Variants in KDM4C observed in about 807,000 individuals in gnomAD.
The protein encoded by KDM4C is lysine demethylase 4C, also known as lysine-specific demethylase 4C.
In KDM4C, 81 loss-of-function variants were observed where a neutral mutation model predicts 129.3. The ratio of observed to expected loss-of-function variants is 0.63; its 90% CI spans 0.52 to 0.75. The LOEUF is 0.75. Ranked by LOEUF, KDM4C falls within the 30% of genes least tolerant of loss-of-function variation. KDM4C has a pLI of 0.00. For synonymous variants in KDM4C, 573 were observed against 456.1 expected, an observed-to-expected ratio of 1.26 and a Z score of -3.26; for missense variants, 1,457 against 1,304.0, an observed-to-expected ratio of 1.12 and a Z score of -1.81.
intron 1 of KDM4C, among the ~76,000 whole-genome samples, chr9:6,772,572 G>T (rs895542207): frequency 6.6e-6 from 1 of 152,174 alleles, no homozygotes; most frequent in Admixed American, 6.6e-5. Flanking sequence ...TGTTGGTCAG[G>T]CTGGTCTTGA....
intron 8 of KDM4C, among the ~76,000 whole-genome samples, chr9:6,973,504 T>G (rs184347182): frequency 4.6e-5 from 7 of 152,374 alleles, no homozygotes; most frequent in Admixed American, 4.6e-4. Context: ...TGCAGGTTAT[T>G]GTTTTCGACA....
intron 4 of KDM4C, among the ~76,000 whole-genome samples, chr9:6,845,561 A>G (rs6477117): frequency 0.24 from 35,939 of 152,096 alleles, 4,293 homozygotes; most frequent in African/African-American, 0.28. Context: ...GGAGGAAGAT[A>G]CTATCACTGA....
intron 19 of KDM4C, among the ~76,000 whole-genome samples, chr9:7,141,953 A>T (rs982469024): frequency 2.0e-5 from 3 of 152,188 alleles, no homozygotes; most frequent in African/African-American, 7.2e-5. Flanking sequence ...CATAAACCCC[A>T]TTAACTAACT....
At chr9:7,094,692 C>G (rs567672713) in intron 17 of KDM4C, among the ~76,000 whole-genome samples, 11 of 152,314 alleles carry the variant, frequency 7.2e-5, no homozygotes, top group African/African-American at 2.6e-4. Context: ...GGTGCTTCCT[C>G]TGAAAGGTCA....
chr9:7,070,373 A>G (rs1327946996), intron 17 of KDM4C, among the ~76,000 whole-genome samples: 1 of 152,060 alleles, frequency 6.6e-6, no homozygotes, highest in Non-Finnish European at 1.5e-5. Flanking sequence ...TGAAGGGAAC[A>G]CCTCCCAATT....
chr9:7,070,032 A>T (rs988116955), intron 17 of KDM4C, among the ~76,000 whole-genome samples: 1 of 152,224 alleles, frequency 6.6e-6, no homozygotes, highest in African/African-American at 2.4e-5. Context: ...AAATTTAGCT[A>T]AATCAAAAGC....
intron 7 of KDM4C, 87 bp from the exon 8 acceptor site, chr9:6,893,008 G>GT (rs376108426): frequency 3.7e-6 from 4 of 1,093,846 alleles, no homozygotes; most frequent in East Asian, 3.1e-5. Flanking sequence ...TTTTTTCTTT[G>GT]TTTTTTAATG....
chr9:6,756,404 G>GT (rs558450118), upstream of KDM4C, among the ~76,000 whole-genome samples: 719 of 152,308 alleles, frequency 4.7e-3, 3 homozygotes, highest in Middle Eastern at 0.014. Flanking sequence ...TCCCAGTTGA[G>GT]TATACGTTAG....
intron 21 of KDM4C, chr9:7,170,393 A>G (rs1844838722): frequency 7.0e-6 from 7 of 996,542 alleles, no homozygotes; most frequent in Non-Finnish European, 8.4e-6. Flanking sequence ...TGACTTTCAT[A>G]ATAAAAGGGA....
intron 17 of KDM4C, among the ~76,000 whole-genome samples, chr9:7,057,987 T>A (rs1449542983): frequency 6.6e-6 from 1 of 152,072 alleles, no homozygotes; most frequent in Non-Finnish European, 1.5e-5. Flanking sequence ...CAGCTGGGAG[T>A]CTTCAGCAGT....
chr9:6,920,633 G>A (rs978211299), intron 8 of KDM4C, among the ~76,000 whole-genome samples: 1 of 152,170 alleles, frequency 6.6e-6, no homozygotes, highest in African/African-American at 2.4e-5. Flanking sequence ...GAGGTGGAGG[G>A]GTGAAAGCGG....
At chr9:6,942,906 A>G (rs372978021) in intron 8 of KDM4C, among the ~76,000 whole-genome samples, 44 of 152,216 alleles carry the variant, frequency 2.9e-4, no homozygotes, top group East Asian at 7.7e-4. Context: ...TTACTCTGTC[A>G]CCTCGGCTGA....
chr9:6,855,911 T>C (rs149463850), intron 5 of KDM4C, among the ~76,000 whole-genome samples: 69 of 152,354 alleles, frequency 4.5e-4, no homozygotes, highest in African/African-American at 1.4e-3. Flanking sequence ...GTGGTTTAAA[T>C]TTTCTTTTTT....
chr9:6,979,791 G>A (rs1234489357), intron 8 of KDM4C, among the ~76,000 whole-genome samples: 6 of 152,194 alleles, frequency 3.9e-5, no homozygotes, highest in Admixed American at 6.5e-5. Context: ...AGGAGATGCC[G>A]TAAATGGAGA....
At chr9:6,832,860 T>G (rs1268199418) in intron 4 of KDM4C, among the ~76,000 whole-genome samples, 5 of 151,428 alleles carry the variant, frequency 3.3e-5, no homozygotes, top group Admixed American at 6.6e-5. Flanking sequence ...CTGTAGTAGC[T>G]GGGATTATAG....
chr9:7,160,322 G>A (rs1843650530), intron 19 of KDM4C, among the ~76,000 whole-genome samples: 1 of 152,158 alleles, frequency 6.6e-6, no homozygotes, highest in Non-Finnish European at 1.5e-5. Flanking sequence ...ACCTTCTGAA[G>A]CCTATTCTGT....
chr9:6,912,160 G>A (rs1819437340), intron 8 of KDM4C, among the ~76,000 whole-genome samples: 1 of 152,160 alleles, frequency 6.6e-6, no homozygotes, highest in Non-Finnish European at 1.5e-5. Context: ...TTTCTGGCCA[G>A]CCTTATTTCC....
At chr9:6,939,725 GGTTCCTTGTT>G (rs1291886654) in intron 8 of KDM4C, among the ~76,000 whole-genome samples, 1 of 152,082 alleles carries the variant, frequency 6.6e-6, no homozygotes, top group African/African-American at 2.4e-5. Flanking sequence ...TTAATGATAG[GGTTCCTTGTT>G]TTAAAAGTTA....
chr9:7,134,105 G>A (rs1333706727), intron 19 of KDM4C, among the ~76,000 whole-genome samples: 1 of 152,150 alleles, frequency 6.6e-6, no homozygotes, highest in Non-Finnish European at 1.5e-5. Context: ...GGTTCTTTTG[G>A]AATCAGTGGA....
Sources: allele counts gnomAD v4.1 joint callset (sites outside exome capture counted in the v4.1 genomes callset), GRCh38; gene constraint gnomAD v4.1.1; transcripts MANE v1.5; gene names NCBI Gene and HGNC (gene_info 2026-07-23, HGNC 2026-07-21).